ZKSCAN7: variants seen among roughly 807,000 people sequenced by gnomAD.
ZKSCAN7 encodes zinc finger protein with KRAB and SCAN domains 7.
A neutral mutation model predicts 65.3 loss-of-function variants in ZKSCAN7; 38 were observed. That is an observed-to-expected ratio of 0.58 (90% confidence interval 0.45 to 0.76). The LOEUF (loss-of-function observed/expected upper bound fraction) is 0.76. Among genes scored for constraint, ZKSCAN7 ranks in the 30% least tolerant of loss-of-function variants. ZKSCAN7 has a pLI of 0.00. For missense variants in ZKSCAN7, 815 were observed against 913.3 expected (o/e 0.89, Z 1.39); for synonymous variants, 321 against 321.0 (o/e 1.00, Z 0.00).
intron 5 of ZKSCAN7, 83 bp downstream of exon 5, chr3:44,568,516 A>G (rs114528092): frequency 0.044 from 66,847 of 1,536,684 alleles, 1,814 homozygotes; most frequent in Non-Finnish European, 0.049. Context: ...TAAACTTTTT[A>G]CCATGAAAAT....
At chr3:44,568,777 C>A (rs1196662686) in intron 5 of ZKSCAN7, among the ~76,000 whole-genome samples, 2 of 152,162 alleles carry the variant, frequency 1.3e-5, no homozygotes. Context: ...GGAAGCAGGG[C>A]CTTGACCCTG....
At position 44,580,835 on chromosome 3, in the gene ZKSCAN7, G is replaced by A. The variant is rs1014718578; in HGVS notation, c.812-2137G>A. Reference sequence around the variant, plus strand: ...ACTGTCGCTGCCATTTCGGAGACCGGTGCACTGAGTTGTCAAAGTCGGTCC... The same window carrying A: ...ACTGTCGCTGCCATTTCGGAGACCGATGCACTGAGTTGTCAAAGTCGGTCC... On this transcript the variant is annotated intron_variant, in intron 5 of 5. Transcript: ENST00000341840. 9 of 1,613,308 alleles carry A rather than the reference G, an allele frequency of 5.6e-6. No individual in the cohort carries two copies. In the African/African-American group the frequency reaches 1.2e-4, roughly 22 times the overall value.
At chr3:44,580,261 G>A (rs1379325630) in intron 5 of ZKSCAN7, 17 of 1,613,630 alleles carry the variant, frequency 1.1e-5, no homozygotes, top group Admixed American at 1.7e-5. Flanking sequence ...CGGACTTTGC[G>A]GCCACAGTCC....
intron 2 of ZKSCAN7, among the ~76,000 whole-genome samples, chr3:44,558,265 C>T (rs1206220708): frequency 6.6e-6 from 1 of 152,006 alleles, no homozygotes; most frequent in African/African-American, 2.4e-5. Context: ...TAGCTCATGC[C>T]TGTAATCCCA....
chr3:44,567,135 GAGAAAGAA>G (rs34911702), intron 3 of ZKSCAN7, among the ~76,000 whole-genome samples: 2 of 146,780 alleles, frequency 1.4e-5, no homozygotes, highest in African/African-American at 2.5e-5. Flanking sequence ...GAGAGAGAAA[GAGAAAGAA>G]AGGAAAGAAA....
Position 44,569,966 on chromosome 3 carries a change from G to A in ZKSCAN7, c.856G>A (p.Glu286Lys), listed in dbSNP as rs1699746485. 6.4e-7 allele frequency: 1 copy of A among 1,573,068 alleles called. No individual in the cohort carries two copies. The highest frequency in any genetic ancestry group is 2.0e-5 in the Admixed American group (1 of 51,124). Residue 286 changes from glutamate to lysine, a missense_variant, in exon 6 of 6, where the codon GAA becomes AAA. Physicochemically the swap from Glu to Lys is moderately conservative, Grantham distance 56 (BLOSUM62 1). Transcript: ENST00000426540. ...MKGSELTPKQEFFKGSESSNR... is the reference protein window; with the variant it reads ...MKGSELTPKQKFFKGSESSNR... Reference sequence around the variant, plus strand: ...GGGTTCAGAGTTGACTCCAAAGCAGGAATTTTTTAAAGGATCAGAGTCATC... The same window carrying A: ...GGGTTCAGAGTTGACTCCAAAGCAGAAATTTTTTAAAGGATCAGAGTCATC...
chr3:44,562,708 C>T (rs753108626), intron 2 of ZKSCAN7, among the ~76,000 whole-genome samples: 16 of 152,174 alleles, frequency 1.1e-4, no homozygotes, highest in East Asian at 1.9e-4. Context: ...GAGGGCTGGG[C>T]GTGGTGGCTC....
rs1374983004 is a variant in ZKSCAN7 at position 44,570,964 on chromosome 3, G to A, written c.1854G>A (p.Leu618=). Residue 618 remains leucine (L), a synonymous_variant, in exon 6 of 6, where the codon CTG becomes CTA. Transcript: ENST00000426540. ...GCGAGTGTGGTAAGGCATTTGGTCTGAGTAAATGTCTTATTCGGCACCAGA... is the reference window on the plus strand; with the variant it reads ...GCGAGTGTGGTAAGGCATTTGGTCTAAGTAAATGTCTTATTCGGCACCAGA... ...ECSECGKAFG[L]SKCLIRHQRL... is the part of the protein sequence containing the mutation. The A allele has an allele frequency of 6.2e-7, 1 of 1,614,070 alleles. No individual in the cohort carries two copies.
At chr3:44,565,727 T>G in intron 3 of ZKSCAN7, 72 bp downstream of exon 3, 1 of 1,396,826 alleles carries the variant, frequency 7.2e-7, no homozygotes, top group Non-Finnish European at 9.5e-7. Flanking sequence ...TTCCTTTATC[T>G]GCCCATCTCC....
chr3:44,579,982 G>A (rs1477114212), intron 5 of ZKSCAN7: 7 of 1,578,948 alleles, frequency 4.4e-6, no homozygotes, highest in Non-Finnish European at 6.1e-6. Context: ...GCTTGGGGGG[G>A]GGCTTCATTG....
At chr3:44,557,516 T>C (rs764569766) in intron 2 of ZKSCAN7, 46 bp downstream of exon 2, 2 of 1,611,098 alleles carry the variant, frequency 1.2e-6, no homozygotes, top group Middle Eastern at 1.7e-4. Flanking sequence ...TCTCTAATGC[T>C]TGGGTTAGCC....
chr3:44,557,724 C>T (rs1186560680), intron 2 of ZKSCAN7: 7 of 544,040 alleles, frequency 1.3e-5, no homozygotes, highest in Admixed American at 3.6e-5. Context: ...TCGCATGGTA[C>T]TCCTGGCAGG....
At chr3:44,568,684 A>G (rs533240336) in intron 5 of ZKSCAN7, among the ~76,000 whole-genome samples, 1 of 152,304 alleles carries the variant, frequency 6.6e-6, no homozygotes, top group South Asian at 2.1e-4. Context: ...GAGCCACTCA[A>G]GTTATTGTAA....
intron 1 of ZKSCAN7, among the ~76,000 whole-genome samples, chr3:44,556,206 T>C (rs916544751): frequency 6.6e-6 from 1 of 152,182 alleles, no homozygotes; most frequent in Non-Finnish European, 1.5e-5. Flanking sequence ...TGCAGCAGTT[T>C]GGAGGGTGAG....
rs1386643293 is a variant in ZKSCAN7 at position 44,571,366 on chromosome 3, A to T, written c.2256A>T (p.Ser752=). The change falls in exon 6 of 6, where the codon TCA becomes TCT. Residue 752 remains serine, a synonymous_variant. Transcript: ENST00000426540. ...AGAAGTCCTCAGGTCTGGCTTGGTC[A>T]GTTTCTTAAGGTATGGTTCTCTGAG... is the stretch of plus-strand genomic sequence containing the variant. ...TGEKSSGLAW[S]VS is the part of the protein sequence containing the mutation. The T allele has an allele frequency of 1.3e-5, 21 of 1,613,876 alleles. No homozygotes were observed. The highest frequency in any genetic ancestry group is 2.7e-5 in the African/African-American group (2 of 74,932).
intron 5 of ZKSCAN7, chr3:44,581,022 G>C (rs1284787656): frequency 2.4e-5 from 38 of 1,585,206 alleles, no homozygotes; most frequent in Non-Finnish European, 2.9e-5. Context: ...CTTGGCTGCC[G>C]ACATGGTCGG....
In ZKSCAN7 at chr3:44,557,311, C is replaced by T. The variant is rs1402598439; in HGVS notation, c.264C>T (p.His88=). 6.2e-7 allele frequency: 1 copy of T among 1,614,288 alleles called. No homozygotes were observed. The highest frequency in any genetic ancestry group is 1.1e-5 in the South Asian group (1 of 91,092). ...GCTGGTGGCTCATGCCAGAGGTGCACACCAAGGAGCAGATCCTGGAGCTGC... is the reference window on the plus strand; with the variant it reads ...GCTGGTGGCTCATGCCAGAGGTGCATACCAAGGAGCAGATCCTGGAGCTGC... ...LCRWWLMPEV[H]TKEQILELLV... Residue 88 remains histidine (H), a synonymous_variant, in exon 2 of 6, where the codon CAC becomes CAT. Transcript: ENST00000426540.
At chr3:44,566,134 A>C (rs1055644225) in intron 3 of ZKSCAN7, among the ~76,000 whole-genome samples, 1 of 152,220 alleles carries the variant, frequency 6.6e-6, no homozygotes, top group Admixed American at 6.5e-5. Flanking sequence ...AGTATTGGGC[A>C]GTAAAAATGT....
At chr3:44,562,252 C>T (rs1442387197) in intron 2 of ZKSCAN7, among the ~76,000 whole-genome samples, 1 of 152,214 alleles carries the variant, frequency 6.6e-6, no homozygotes, top group African/African-American at 2.4e-5. Flanking sequence ...CTGAGCTATA[C>T]CTTGGCCTCT....
Sources: gnomAD v4.1 joint callset for allele counts (sites outside exome capture counted in the v4.1 genomes callset) on GRCh38, gnomAD v4.1.1 for gene constraint, MANE v1.5 for transcripts, NCBI Gene and HGNC (gene_info 2026-07-23, HGNC 2026-07-21) for gene names.